The following RBBP4 variants were observed in gnomAD, a reference collection of about 807,000 sequenced individuals.
RBBP4 encodes RB binding protein 4, chromatin remodeling factor.
In RBBP4, 3 loss-of-function variants were observed where a neutral mutation model predicts 57.2. The ratio of observed to expected loss-of-function variants is 0.05; its 90% CI spans 0.02 to 0.14. The LOEUF (loss-of-function observed/expected upper bound fraction) is 0.14. Ranked by LOEUF, RBBP4 falls within the 10% of genes least tolerant of loss-of-function variation. RBBP4 has a pLI of 1.00. For missense variants in RBBP4, 107 were observed against 520.6 expected (o/e 0.21, Z 7.73); for synonymous variants, 151 against 171.5 (o/e 0.88, Z 0.93).
chr1:32,676,513 G>C (rs1001806008), intron 11 of RBBP4, among the ~76,000 whole-genome samples: 3 of 151,840 alleles, frequency 2.0e-5, no homozygotes, highest in Admixed American at 1.3e-4. Flanking sequence ...GGGAGGCTGA[G>C]GCAGGAGACT....
At chr1:32,657,818 T>C in intron 3 of RBBP4, 2 of 393,364 alleles carry the variant, frequency 5.1e-6, no homozygotes, top group Non-Finnish European at 9.0e-6. Context: ...ATTTCTGCAA[T>C]TGAAAGAAGC....
rs6670385 is a variant in RBBP4, at chr1:32,669,774, C to G, written c.966+211C>G. ...GCATGGTGGCGGATGCCCGTAGTCC[C>G]AGCTACTCGGGAGGCTGAGGCAGGA... On this transcript the variant is annotated intron_variant, in intron 8 of 11. Transcript: ENST00000373493. This position sits in a 1 kb window ranked among gnomAD's most constrained non-coding sequence, Gnocchi z 4.9. Among the ~76,000 whole-genome samples the G allele has an allele frequency of 0.11, 16,799 of 152,026 alleles. 1,715 individuals are homozygous for G. Among genetic ancestry groups the G allele is most frequent in the African/African-American group, 0.26 (10,730 of 41,378 alleles).
At chr1:32,661,755 T>G (rs750677039) in intron 3 of RBBP4, among the ~76,000 whole-genome samples, 2 of 151,020 alleles carry the variant, frequency 1.3e-5, no homozygotes, top group Non-Finnish European at 2.9e-5. Flanking sequence ...GTGAGAGGCA[T>G]CTATCTGTTT....
chr1:32,651,698 C>T, intron 1 of RBBP4: 1 of 765,470 alleles, frequency 1.3e-6, no homozygotes, highest in Non-Finnish European at 2.0e-6. Context: ...GCCTGGCTGG[C>T]CCCTTGGCCT....
At chr1:32,657,318 C>T in intron 2 of RBBP4, 109 bp from the exon 3 acceptor site, 1 of 1,083,294 alleles carries the variant, frequency 9.2e-7, no homozygotes, top group Non-Finnish European at 1.3e-6. Context: ...ACTTTTTCCC[C>T]TCTCTTAAAA....
rs1010022014 is a variant in RBBP4 at position 32,681,375 on chromosome 1, T to C, written c.*1670T>C. ...GACTTTGTAAAAGTATTCATTTAAA[T>C]TCTAACACTCGTGGCACAAAAGAAT... On this transcript the variant is annotated 3_prime_UTR_variant, in exon 12 of 12. Coordinates refer to ENST00000373493, the MANE Select transcript of RBBP4 (RefSeq NM_005610.3). 6.3e-6 allele frequency: 1 copy of C among 158,796 alleles called. No individual in the cohort carries two copies. The highest frequency in any genetic ancestry group is 2.4e-5 in the African/African-American group (1 of 41,620). 9.8% of individuals were successfully genotyped at this position (158,796 alleles called of 1,614,324 possible). A position where few individuals can be genotyped will look rare whatever the true frequency, so the allele number is the denominator to read the frequency against.
chr1:32,659,160 A>T (rs1353945350), intron 3 of RBBP4, among the ~76,000 whole-genome samples: 2 of 148,406 alleles, frequency 1.3e-5, no homozygotes, highest in Non-Finnish European at 1.5e-5. Flanking sequence ...AATATATGTA[A>T]TTTTACACAC....
chr1:32,657,642 A>T, intron 3 of RBBP4, 70 bp downstream of exon 3: 1 of 1,494,794 alleles, frequency 6.7e-7, no homozygotes, highest in Admixed American at 2.0e-5. Flanking sequence ...TTGATAAAGT[A>T]AACTCTGACT....
intron 2 of RBBP4, among the ~76,000 whole-genome samples, chr1:32,654,491 A>G (rs1459070301): frequency 6.6e-6 from 1 of 152,196 alleles, no homozygotes; most frequent in Non-Finnish European, 1.5e-5. Context: ...GATCACAAAT[A>G]TTGGCCATCC....
intron 3 of RBBP4, among the ~76,000 whole-genome samples, chr1:32,659,400 A>C (rs947863094): frequency 1.3e-5 from 2 of 151,926 alleles, no homozygotes; most frequent in Non-Finnish European, 2.9e-5. Context: ...GTCTCTACTA[A>C]AAATACAAAA....
rs1408304560 is a variant in RBBP4, at chr1:32,672,437, T to A, written c.967-13T>A. On this transcript the variant is annotated splice_polypyrimidine_tract_variant and intron_variant, in intron 8 of 11. Transcript: ENST00000373493. ...ATTCATGGCTTTGCTCTTTTCTTCA[T>A]TCCTATGTGTAGGTTCAGTGGTCAC... 6.4e-7 allele frequency: 1 copy of A among 1,562,704 alleles called. No homozygotes were observed. Among genetic ancestry groups the A allele is most frequent in the Non-Finnish European group, 8.7e-7 (1 of 1,145,122 alleles).
At position 32,681,556 on chromosome 1, in the gene RBBP4, G is replaced by A. The variant is rs547093595; in HGVS notation, c.*1851G>A. On this transcript the variant is annotated 3_prime_UTR_variant, in exon 12 of 12. Transcript: ENST00000373493. ...CATTCATCCTTCACTCAGTGCATAT[G>A]TGAGGGTTGTTGCTGGAAGACAGGA... The A allele has an allele frequency of 1.2e-4, 64 of 542,012 alleles. No individual in the cohort carries two copies. Among genetic ancestry groups the A allele is most frequent in the Non-Finnish European group, 1.9e-4 (57 of 303,544 alleles). 33.6% of individuals were successfully genotyped at this position (542,012 alleles called of 1,614,324 possible). A position where few individuals can be genotyped will look rare whatever the true frequency, so the allele number is the denominator to read the frequency against.
intron 3 of RBBP4, among the ~76,000 whole-genome samples, chr1:32,667,323 G>C (rs1444313614): frequency 6.6e-6 from 1 of 152,226 alleles, no homozygotes; most frequent in Non-Finnish European, 1.5e-5. Context: ...TAAGTGCATA[G>C]AAGAAAACGC....
intron 2 of RBBP4, among the ~76,000 whole-genome samples, 193 bp from the exon 3 acceptor site, chr1:32,657,234 C>T (rs951022886): frequency 1.3e-5 from 2 of 152,120 alleles, no homozygotes; most frequent in Admixed American, 1.3e-4. Flanking sequence ...CAAGATCGCA[C>T]CACTCCATTC....
At chr1:32,672,379 A>C in intron 8 of RBBP4, 71 bp from the exon 9 acceptor site, 1 of 1,231,720 alleles carries the variant, frequency 8.1e-7, no homozygotes, top group Non-Finnish European at 1.1e-6. Context: ...TAAATTGTTA[A>C]ATATTTTGTG....
rs187350915 is a variant in RBBP4, at chr1:32,678,087, T to C, written c.1213-1553T>C. Among the ~76,000 whole-genome samples the C allele has an allele frequency of 3.3e-5, 5 of 152,332 alleles. No homozygotes were observed. In the East Asian group the frequency reaches 9.6e-4, roughly 29 times the overall value. ...GCAGTTCAGCAGTCTTCAGTGTATTTACAGTTGTGCAACCATCAACCACAG... is the reference window on the plus strand; with the variant it reads ...GCAGTTCAGCAGTCTTCAGTGTATTCACAGTTGTGCAACCATCAACCACAG... On this transcript the variant is annotated intron_variant, in intron 11 of 11. Transcript: ENST00000373493.
At chr1:32,675,718 G>A (rs1057000634) in intron 11 of RBBP4, among the ~76,000 whole-genome samples, 4 of 152,012 alleles carry the variant, frequency 2.6e-5, no homozygotes, top group African/African-American at 4.8e-5. Flanking sequence ...GCAGTGAGCC[G>A]AGATCGTGCC....
At chr1:32,658,441 G>A (rs964947104) in intron 3 of RBBP4, among the ~76,000 whole-genome samples, 1 of 151,692 alleles carries the variant, frequency 6.6e-6, no homozygotes, top group Non-Finnish European at 1.5e-5. Context: ...CTTAACCATG[G>A]CACTCTCTAT....
chr1:32,660,456 G>A (rs916229762), intron 3 of RBBP4, among the ~76,000 whole-genome samples: 2 of 148,712 alleles, frequency 1.3e-5, no homozygotes, highest in African/African-American at 2.5e-5. Context: ...TGGCTCTGTC[G>A]CCCAGGCTGT....
Sources: gnomAD v4.1 joint callset for allele counts (sites outside exome capture counted in the v4.1 genomes callset) on GRCh38, gnomAD v4.1.1 for gene constraint, Gnocchi (gnomAD v3.1) non-coding constraint, MANE v1.5 for transcripts, NCBI Gene and HGNC (gene_info 2026-07-23, HGNC 2026-07-21) for gene names.